The following CNTNAP2 variants were observed in gnomAD, a reference collection of about 807,000 sequenced individuals.
The protein encoded by CNTNAP2 is contactin associated protein 2, also known as contactin-associated protein-like 2.
A neutral mutation model predicts 155.2 loss-of-function variants in CNTNAP2; 98 were observed. The ratio of observed to expected loss-of-function variants is 0.63; its 90% CI spans 0.54 to 0.75. CNTNAP2 has a LOEUF of 0.75. CNTNAP2 is among the 30% of genes least tolerant of loss of function. CNTNAP2 has a pLI of 0.00. For synonymous variants in CNTNAP2, 651 were observed against 631.2 expected (o/e 1.03, Z -0.47); for missense variants, 1,727 against 1,688.1 (o/e 1.02, Z -0.40).
chr7:146,785,721 T>C (rs1027751491), intron 2 of CNTNAP2, among the ~76,000 whole-genome samples: 11 of 152,234 alleles, frequency 7.2e-5, no homozygotes, highest in African/African-American at 2.7e-4. Flanking sequence ...AAATCTCATT[T>C]TTAAAAATGA....
Position 146,528,253 on chromosome 7 carries a change from G to A in CNTNAP2, c.98-246018G>A, listed in dbSNP as rs557224477. On this transcript the variant is annotated intron_variant, in intron 1 of 23. Coordinates refer to ENST00000361727, the MANE Select transcript of CNTNAP2 (RefSeq NM_014141.6). ...AAGTTGATGTAAAATTTGTAAAGAT[G>A]GGTTGGAGAGTTTTGGCAAAAATGT... is the stretch of plus-strand genomic sequence containing the variant. Among the ~76,000 whole-genome samples the A allele has an allele frequency of 6.6e-5, 10 of 152,262 alleles. No individual in the cohort carries two copies. In the South Asian group the frequency reaches 8.3e-4, roughly 13 times the overall value.
chr7:148,352,774 G>A (rs1004729481), intron 21 of CNTNAP2, among the ~76,000 whole-genome samples: 1 of 152,200 alleles, frequency 6.6e-6, no homozygotes, highest in Non-Finnish European at 1.5e-5. Flanking sequence ...AGGAAGCCAG[G>A]ACTGGAAGCC....
At chr7:147,947,041 G>T (rs1016497640) in intron 14 of CNTNAP2, among the ~76,000 whole-genome samples, 11 of 152,130 alleles carry the variant, frequency 7.2e-5, no homozygotes, top group African/African-American at 2.7e-4. Context: ...AAAGCACGGT[G>T]GTCTGGGACA....
chr7:147,719,292 C>G (rs1796529270), intron 13 of CNTNAP2, among the ~76,000 whole-genome samples: 1 of 152,092 alleles, frequency 6.6e-6, no homozygotes, highest in Non-Finnish European at 1.5e-5. Flanking sequence ...CTCTCTCTCT[C>G]ACATTCGATA....
At chr7:148,355,455 C>G (rs1413527471) in intron 21 of CNTNAP2, among the ~76,000 whole-genome samples, 28 of 151,956 alleles carry the variant, frequency 1.8e-4, no homozygotes, top group Non-Finnish European at 8.8e-5. Flanking sequence ...TAATAGTTTG[C>G]CAGGTTAGCT....
chr7:146,381,014 G>C (rs1308168574), intron 1 of CNTNAP2, among the ~76,000 whole-genome samples: 19 of 151,156 alleles, frequency 1.3e-4, no homozygotes, highest in African/African-American at 4.6e-4. Flanking sequence ...TAGCCAGGAT[G>C]GTCTCGATCT....
intron 1 of CNTNAP2, among the ~76,000 whole-genome samples, chr7:146,505,670 C>T (rs113289579): frequency 0.011 from 1,672 of 152,338 alleles, 29 homozygotes; most frequent in African/African-American, 0.038. Flanking sequence ...GCCAACCATA[C>T]GTCATGGTGG....
chr7:147,486,183 C>A, intron 11 of CNTNAP2, 142 bp downstream of exon 11: 1 of 535,364 alleles, frequency 1.9e-6, no homozygotes, highest in Non-Finnish European at 3.0e-6. Context: ...ATTGTCATTT[C>A]TCCAAAAAAA....
intron 3 of CNTNAP2, among the ~76,000 whole-genome samples, chr7:146,876,438 T>C (rs1375358494): frequency 6.6e-6 from 1 of 152,166 alleles, no homozygotes; most frequent in Non-Finnish European, 1.5e-5. Context: ...GTGATTATGA[T>C]TTCAGCAAAG....
At chr7:146,495,482 G>C (rs981633146) in intron 1 of CNTNAP2, among the ~76,000 whole-genome samples, 1 of 149,778 alleles carries the variant, frequency 6.7e-6, no homozygotes, top group Non-Finnish European at 1.5e-5. Context: ...CTCGTTTTCA[G>C]TTTCCTCCCC....
At chr7:146,823,301 A>G in intron 2 of CNTNAP2, among the ~76,000 whole-genome samples, 1 of 149,836 alleles carries the variant, frequency 6.7e-6, no homozygotes, top group Non-Finnish European at 1.5e-5. Flanking sequence ...ATTCTTCAGT[A>G]TAATTACATG....
chr7:147,222,287 T>C lies in CNTNAP2; in HGVS notation c.1349-77854T>C, dbSNP rs531658463. On this transcript the variant is annotated intron_variant, in intron 8 of 23. Coordinates refer to ENST00000361727, the MANE Select transcript of CNTNAP2 (RefSeq NM_014141.6). ...AGTTTTTTTTTTCAGTTTTTATTCT[T>C]TATGCTTTTCAATTTTGGAGGTTTC... Among the ~76,000 whole-genome samples, 10 of 152,256 alleles carry C rather than the reference T, an allele frequency of 6.6e-5. No homozygotes were observed. The South Asian group carries it at 2.1e-3, about 32-fold the overall frequency.
At chr7:147,384,775 T>G (rs1318060837) in intron 9 of CNTNAP2, among the ~76,000 whole-genome samples, 1 of 152,182 alleles carries the variant, frequency 6.6e-6, no homozygotes, top group Non-Finnish European at 1.5e-5. Flanking sequence ...TAGTTTTTAT[T>G]TTGAAACAAT....
chr7:147,093,072 CATATATAT>C (rs10596701), intron 4 of CNTNAP2, among the ~76,000 whole-genome samples: 1 of 144,660 alleles, frequency 6.9e-6, no homozygotes. Flanking sequence ...AATACAAATA[CATATATAT>C]ATATATATAT....
intron 11 of CNTNAP2, among the ~76,000 whole-genome samples, chr7:147,529,538 C>T (rs888130021): frequency 1.6e-4 from 25 of 151,772 alleles, no homozygotes; most frequent in African/African-American, 4.8e-4. Context: ...AGTAACAATG[C>T]TGTTTTTTTT....
At chr7:147,536,832 A>G (rs1202662556) in intron 11 of CNTNAP2, among the ~76,000 whole-genome samples, 1 of 152,148 alleles carries the variant, frequency 6.6e-6, no homozygotes, top group Non-Finnish European at 1.5e-5. Context: ...GCTACCTCCC[A>G]GGCCTTGAAC....
chr7:146,618,641 G>A (rs1211639288), intron 1 of CNTNAP2, among the ~76,000 whole-genome samples: 1 of 152,128 alleles, frequency 6.6e-6, no homozygotes, highest in East Asian at 1.9e-4. Flanking sequence ...TAAATTATAA[G>A]AGCAGAATGT....
intron 9 of CNTNAP2, among the ~76,000 whole-genome samples, chr7:147,354,160 T>C (rs1796020264): frequency 6.6e-6 from 1 of 152,204 alleles, no homozygotes; most frequent in Non-Finnish European, 1.5e-5. Flanking sequence ...TTTGTCAATG[T>C]TGGCTTTTGT....
chr7:147,933,085 G>GTTTTT (rs56994949), intron 14 of CNTNAP2, among the ~76,000 whole-genome samples: 3 of 151,010 alleles, frequency 2.0e-5, no homozygotes, highest in Admixed American at 2.0e-4. Flanking sequence ...TTGTTTGTTT[G>GTTTTT]TTTGTTTGTT....
Sources: gnomAD v4.1 joint callset for allele counts (sites outside exome capture counted in the v4.1 genomes callset) on GRCh38, gnomAD v4.1.1 for gene constraint, MANE v1.5 for transcripts, NCBI Gene and HGNC (gene_info 2026-07-23, HGNC 2026-07-21) for gene names.